C11orf65: variants seen among roughly 807,000 people sequenced by gnomAD.
C11orf65 encodes the protein protein MFI.
C11orf65 carries 38 observed loss-of-function variants against 35.3 expected under a neutral mutation model. The observed-to-expected ratio is 1.08, with a 90% confidence interval of 0.83 to 1.41. C11orf65 has a LOEUF of 1.41. C11orf65 is among the 40% of genes most tolerant of loss of function. The pLI is 0.00. For synonymous variants in C11orf65, 105 were observed against 114.4 expected, an observed-to-expected ratio of 0.92 and a Z score of 0.53; for missense variants, 370 against 367.1, an observed-to-expected ratio of 1.01 and a Z score of -0.06.
chr11:108,451,216 T>C (rs913197499), intron 2 of C11orf65, among the ~76,000 whole-genome samples: 27 of 151,900 alleles, frequency 1.8e-4, no homozygotes, highest in Admixed American at 4.6e-4. Flanking sequence ...GAAGTCAAAT[T>C]GTCTCTGTTT....
chr11:108,342,464 G>T (rs1475456404), intron 2 of C11orf65, among the ~76,000 whole-genome samples: 1 of 152,006 alleles, frequency 6.6e-6, no homozygotes, highest in Non-Finnish European at 1.5e-5. Flanking sequence ...AACTATTTGT[G>T]TACATATAGC....
At chr11:108,325,257 T>TTG (rs1249514394) in intron 6 of C11orf65, 1 of 1,035,862 alleles carries the variant, frequency 9.7e-7, no homozygotes, top group African/African-American at 1.7e-5. Context: ...TAGTTTTTTT[T>TTG]TTTTTTTTTT....
chr11:108,385,409 GT>G (rs1376737123), intron 8 of C11orf65, among the ~76,000 whole-genome samples: 1 of 151,896 alleles, frequency 6.6e-6, no homozygotes, highest in Non-Finnish European at 1.5e-5. Flanking sequence ...TTGGCTAGGC[GT>G]GGTGGCTCTC....
At chr11:108,355,279 G>A (rs998761721) in intron 2 of C11orf65, 1 of 232,442 alleles carries the variant, frequency 4.3e-6, no homozygotes, top group Non-Finnish European at 8.6e-6. Flanking sequence ...CAAATTGTCA[G>A]CATCATTACT....
At chr11:108,460,726 T>A (rs1565730329) in intron 2 of C11orf65, among the ~76,000 whole-genome samples, 2 of 150,992 alleles carry the variant, frequency 1.3e-5, no homozygotes, top group Non-Finnish European at 1.5e-5. Context: ...AAAAGTCTGC[T>A]TTGTTGTTGT....
At position 108,453,561 on chromosome 11, in the gene C11orf65, G is replaced by A. The variant is rs182220645; in HGVS notation, c.81+7918C>T. ...GAAAAGTAAAAGAATAGGAAAAGAT[G>A]TCATGTAGGTACTCACCAAAAGAAC... On this transcript the variant is annotated intron_variant, in intron 2 of 8. Transcript: ENST00000393084. Among the ~76,000 whole-genome samples, 3 of 152,252 alleles carry A rather than the reference G, an allele frequency of 2.0e-5. No individual in the cohort carries two copies. In the East Asian group the frequency reaches 5.8e-4, roughly 29 times the overall value.
chr11:108,410,899 C>T (rs1049167847), intron 3 of C11orf65, among the ~76,000 whole-genome samples: 10 of 151,676 alleles, frequency 6.6e-5, no homozygotes, highest in Middle Eastern at 3.4e-3. Context: ...TTAGTAGAGA[C>T]GGGGTTTCAC....
At chr11:108,456,622 A>G (rs2135715087) in intron 2 of C11orf65, among the ~76,000 whole-genome samples, 1 of 151,912 alleles carries the variant, frequency 6.6e-6, no homozygotes, top group East Asian at 1.9e-4. Context: ...TCTCTACAAA[A>G]AATTAAAAAA....
chr11:108,396,834 A>AAAT (rs2092319503), intron 6 of C11orf65, among the ~76,000 whole-genome samples: 1 of 137,396 alleles, frequency 7.3e-6, no homozygotes, highest in Non-Finnish European at 1.5e-5. Context: ...ACTCCGTCTT[A>AAAT]AAATAAATAA....
chr11:108,393,960 T>C (rs1006068101), intron 6 of C11orf65, among the ~76,000 whole-genome samples: 5 of 152,032 alleles, frequency 3.3e-5, no homozygotes, highest in African/African-American at 1.2e-4. Flanking sequence ...CATGGGTGGA[T>C]CACGAAGTCA....
intron 5 of C11orf65, among the ~76,000 whole-genome samples, chr11:108,405,973 G>A (rs541556139): frequency 5.9e-5 from 9 of 152,148 alleles, no homozygotes; most frequent in African/African-American, 1.2e-4. Context: ...TGGTTTCCCC[G>A]TTATGACATT....
At chr11:108,407,768 T>C (rs1230882465) in intron 3 of C11orf65, among the ~76,000 whole-genome samples, 1 of 150,540 alleles carries the variant, frequency 6.6e-6, no homozygotes, top group Non-Finnish European at 1.5e-5. Flanking sequence ...CCGTCTCTAC[T>C]AAAAATACAA....
Position 108,383,030 on chromosome 11 carries a change from A to AT in C11orf65, c.932dup (p.Tyr311Ter). 6.2e-7 allele frequency: 1 copy of AT among 1,611,068 alleles called. No individual in the cohort carries two copies. Among genetic ancestry groups the AT allele is most frequent in the South Asian group, 1.1e-5 (1 of 90,096 alleles). The change falls in exon 9 of 9, where the codon TAT (tyrosine) becomes TAAT (stop). Residue 311 changes from tyrosine to a stop codon, truncating the protein, a stop_gained and frameshift_variant. Coordinates refer to ENST00000393084, the MANE Select transcript of C11orf65 (RefSeq NM_152587.5). LOFTEE classifies it high-confidence loss of function. ...ATAGAAATAAAGTACTTTATAGTCC[A>AT]TAAGTAGAATCAGGCGTTAATCTAG... ...NVTRLTPDST[Y>*]GL
At chr11:108,361,857 C>G (rs543731988) in intron 2 of C11orf65, among the ~76,000 whole-genome samples, 2 of 151,632 alleles carry the variant, frequency 1.3e-5, no homozygotes, top group South Asian at 2.1e-4. Context: ...AGAAGAAAAC[C>G]TAGGCATTAC....
At chr11:108,460,061 G>T in intron 2 of C11orf65, among the ~76,000 whole-genome samples, 1 of 152,074 alleles carries the variant, frequency 6.6e-6, no homozygotes, top group African/African-American at 2.4e-5. Flanking sequence ...TTGAGCCCAG[G>T]AGTTTGAGAC....
chr11:108,444,781 T>C (rs1299730093), intron 2 of C11orf65, among the ~76,000 whole-genome samples: 1 of 152,148 alleles, frequency 6.6e-6, no homozygotes, highest in Non-Finnish European at 1.5e-5. Context: ...CAGCGCACCG[T>C]GCACGAGCTG....
chr11:108,348,405 G>A (rs2088744252), intron 2 of C11orf65, among the ~76,000 whole-genome samples: 1 of 146,376 alleles, frequency 6.8e-6, no homozygotes, highest in African/African-American at 2.5e-5. Context: ...TAGCTTCTAT[G>A]TATATATATA....
intron 6 of C11orf65, among the ~76,000 whole-genome samples, chr11:108,396,404 T>C (rs999413417): frequency 2.0e-5 from 3 of 152,156 alleles, no homozygotes; most frequent in Non-Finnish European, 2.9e-5. Flanking sequence ...CTTATTTTTC[T>C]TTTTTCAACA....
chr11:108,411,944 T>G (rs59690360), intron 3 of C11orf65, among the ~76,000 whole-genome samples: 1,875 of 152,066 alleles, frequency 0.012, 48 homozygotes, highest in African/African-American at 0.042. Context: ...CCTGACTAAA[T>G]TTTGTATTTT....
Sources: allele counts gnomAD v4.1 joint callset (sites outside exome capture counted in the v4.1 genomes callset), GRCh38; gene constraint gnomAD v4.1.1; transcripts MANE v1.5; gene names NCBI Gene and HGNC (gene_info 2026-07-23, HGNC 2026-07-21).